SPDYA: variants seen among roughly 807,000 people sequenced by gnomAD.
SPDYA encodes speedy protein A.
A neutral mutation model predicts 36.7 loss-of-function variants in SPDYA; 11 were observed. The observed-to-expected ratio is 0.30, with a 90% CI of 0.19 to 0.50. The LOEUF is 0.50. Ranked by LOEUF, SPDYA falls within the 20% of genes least tolerant of loss-of-function variation. The probability of loss-of-function intolerance (pLI) is 0.98; values close to 1 mark genes in which losing one functional copy is unlikely to be tolerated. For synonymous variants in SPDYA, 115 were observed against 118.7 expected, an observed-to-expected ratio of 0.97 and a Z score of 0.20; for missense variants, 287 against 370.9, an observed-to-expected ratio of 0.77 and a Z score of 1.86.
chr2:28,835,547 C>T (rs148375056), intron 6 of SPDYA, among the ~76,000 whole-genome samples: 13 of 152,306 alleles, frequency 8.5e-5, no homozygotes, highest in African/African-American at 3.1e-4. Context: ...TGTTCTTATT[C>T]TATCTCCAGA....
chr2:28,826,949 CTT>C (rs1309143694), intron 5 of SPDYA, among the ~76,000 whole-genome samples: 11 of 113,806 alleles, frequency 9.7e-5, no homozygotes, highest in Admixed American at 1.9e-4. Flanking sequence ...TCTTTTCTTT[CTT>C]TTTTTTTTTT....
In SPDYA at chr2:28,829,240, C is replaced by A; in HGVS notation, c.473C>A (p.Pro158His). The A allele has an allele frequency of 6.2e-7, 1 of 1,613,910 alleles. No homozygotes were observed. The highest frequency in any genetic ancestry group is 8.5e-7 in the Non-Finnish European group (1 of 1,179,926). Residue 158 changes from proline (P) to histidine (H), a missense_variant, in exon 6 of 8, where the codon CCT becomes CAT. Transcript: ENST00000334056. ...GGGAAAAACTGGAGAAAATTGTTCC[C>A]TAATTTCTTAAAGTTAAGGGACCAG... ...ALGKNWRKLFPNFLKLRDQLW... is the reference protein window; with the variant it reads ...ALGKNWRKLFHNFLKLRDQLW...
chr2:28,815,961 G>A (rs1359812211), intron 2 of SPDYA, 36 bp from the exon 3 acceptor site: 2 of 1,346,360 alleles, frequency 1.5e-6, no homozygotes, highest in South Asian at 1.3e-5. Flanking sequence ...TGAAATGAAT[G>A]TGTGTGATGA....
chr2:28,830,831 T>A (rs2148093584), intron 6 of SPDYA, among the ~76,000 whole-genome samples: 1 of 152,324 alleles, frequency 6.6e-6, no homozygotes, highest in East Asian at 1.9e-4. Flanking sequence ...TTTTACCAAA[T>A]GTTCTGGTTT....
chr2:28,811,400 C>T lies in SPDYA; in HGVS notation c.-93+453C>T, dbSNP rs1255944852. Among the ~76,000 whole-genome samples the T allele has an allele frequency of 2.0e-5, 3 of 152,124 alleles. No homozygotes were observed. Among genetic ancestry groups the T allele is most frequent in the Non-Finnish European group, 2.9e-5 (2 of 68,020 alleles). On this transcript the variant is annotated intron_variant, in intron 1 of 7. Transcript: ENST00000334056. The surrounding 1 kb of genome is among the most constrained non-coding windows in gnomAD (Gnocchi z 4.2). ...GGGGGGTCTTTTTGATAAATCCTACCTCCTTATGTCCCATTAAACACCTCT... is the reference window on the plus strand; with the variant it reads ...GGGGGGTCTTTTTGATAAATCCTACTTCCTTATGTCCCATTAAACACCTCT...
At chr2:28,845,366 G>A (rs937206245) in intron 7 of SPDYA, among the ~76,000 whole-genome samples, 1 of 151,534 alleles carries the variant, frequency 6.6e-6, no homozygotes, top group African/African-American at 2.4e-5. Context: ...AAAGTGGTGG[G>A]GTTACAGATG....
At chr2:28,840,933 T>TG (rs1328476071) in intron 7 of SPDYA, 35 of 224,344 alleles carry the variant, frequency 1.6e-4, no homozygotes, top group Admixed American at 1.1e-3. Flanking sequence ...AAAACCAGTT[T>TG]TTTTTTTTTT....
In SPDYA at chr2:28,814,305, C is replaced by T. The variant is rs189194078; in HGVS notation, c.-92-308C>T. Among the ~76,000 whole-genome samples, 219 of 151,918 alleles carry T rather than the reference C, an allele frequency of 1.4e-3. 3 individuals carry two copies. Among genetic ancestry groups the T allele is most frequent in the Admixed American group, 0.01 (159 of 15,266 alleles). On this transcript the variant is annotated intron_variant, in intron 1 of 7. Coordinates refer to ENST00000334056, the MANE Select transcript of SPDYA (RefSeq NM_182756.4). ...TACTGTTGAAAAATTAGTATCAGAA[C>T]AGATTTGTATATAAGCATATTCATC...
intron 6 of SPDYA, among the ~76,000 whole-genome samples, chr2:28,837,313 C>G (rs1280954602): frequency 6.6e-6 from 1 of 152,034 alleles, no homozygotes; most frequent in African/African-American, 2.4e-5. Flanking sequence ...GGAGAGGGAA[C>G]TGTAAGTTTC....
In SPDYA at chr2:28,840,474, G is replaced by T; in HGVS notation, c.850+5G>T. 1.2e-6 allele frequency: 2 copies of T among 1,612,526 alleles called. No individual in the cohort carries two copies. Among genetic ancestry groups the T allele is most frequent in the Non-Finnish European group, 1.7e-6 (2 of 1,179,578 alleles). The stretch of plus-strand genomic sequence containing the variant: ...AAGCTTATACTGGTTCTGAAGGTAT[G>T]ATTTAGTAATATGCCAGAATTAGAT... On this transcript the variant is annotated splice_donor_5th_base_variant and intron_variant, in intron 7 of 7. Transcript: ENST00000334056.
intron 7 of SPDYA, among the ~76,000 whole-genome samples, chr2:28,845,950 G>A (rs1465254213): frequency 1.3e-5 from 2 of 152,224 alleles, no homozygotes; most frequent in East Asian, 3.8e-4. Context: ...ACCACTAACA[G>A]ATTAACTTAA....
At chr2:28,815,912 A>T in intron 2 of SPDYA, 85 bp from the exon 3 acceptor site, 1 of 807,196 alleles carries the variant, frequency 1.2e-6, no homozygotes, top group East Asian at 2.7e-5. Context: ...ATTTTATATG[A>T]CTGCATATGG....
rs1669006153 is a variant in SPDYA at position 28,850,069 on chromosome 2, A to C, written c.*128A>C. ...ACATCTTTTAGTTGTTATTTTCAAA[A>C]TTATATGTATAAGTTATATAAGTCA... is the stretch of plus-strand genomic sequence containing the variant. On this transcript the variant is annotated 3_prime_UTR_variant, in exon 8 of 8. Coordinates refer to ENST00000334056, the MANE Select transcript of SPDYA (RefSeq NM_182756.4). 8.6e-7 allele frequency: 1 copy of C among 1,164,260 alleles called. No homozygotes were observed. Among genetic ancestry groups the C allele is most frequent in the Non-Finnish European group, 1.2e-6 (1 of 809,078 alleles). The allele number at this position is 1,164,260 out of a possible 1,614,324, so 72.1% of individuals were successfully genotyped here.
Position 28,829,227 on chromosome 2 carries a change from A to G in SPDYA, c.460A>G (p.Arg154Gly), listed in dbSNP as rs113224231. 1.9e-6 allele frequency: 3 copies of G among 1,614,040 alleles called. No individual in the cohort carries two copies. Among genetic ancestry groups the G allele is most frequent in the Admixed American group, 3.3e-5 (2 of 60,010 alleles). ...IFPWALGKNW[R>G]KLFPNFLKLR... ...TCCATGGGCTTTAGGGAAAAACTGG[A>G]GAAAATTGTTCCCTAATTTCTTAAA... Residue 154 changes from arginine (R) to glycine (G), a missense_variant, in exon 6 of 8, where the codon AGA becomes GGA. Physicochemically the swap from Arg to Gly is moderately radical, Grantham distance 125. Transcript: ENST00000334056.
chr2:28,840,084 C>T (rs1668712468), intron 6 of SPDYA, 88 bp from the exon 7 acceptor site: 2 of 1,216,788 alleles, frequency 1.6e-6, no homozygotes, highest in African/African-American at 3.1e-5. Context: ...ACTTTAGAGA[C>T]AGTTGTTCTT....
Position 28,816,227 on chromosome 2 carries a change from G to T in SPDYA, c.213G>T (p.Met71Ile). 1 of 1,602,906 alleles carries T rather than the reference G, an allele frequency of 6.2e-7. No individual in the cohort carries two copies. The highest frequency in any genetic ancestry group is 1.1e-5 in the South Asian group (1 of 88,492). The change falls in exon 3 of 8, where the codon ATG becomes ATT. Residue 71 changes from methionine to isoleucine, a missense_variant. By Grantham distance (10) the Met-to-Ile change is conservative (BLOSUM62 1). Transcript: ENST00000334056. ...GPCLVIQRQD[M>I]TAFFKLFDDD... Reference sequence around the variant, plus strand: ...GTCTGGTTATACAGCGTCAGGATATGACTGCTTTCTTTAAATTATTTGGTA... The same window carrying T: ...GTCTGGTTATACAGCGTCAGGATATTACTGCTTTCTTTAAATTATTTGGTA...
chr2:28,848,907 G>C (rs746628410), intron 7 of SPDYA, among the ~76,000 whole-genome samples: 1 of 152,028 alleles, frequency 6.6e-6, no homozygotes, highest in Non-Finnish European at 1.5e-5. Context: ...TTGGCTGGGC[G>C]TGGTGGCATG....
rs1667859504 is a variant in SPDYA at position 28,811,969 on chromosome 2, T to A, written c.-93+1022T>A. Among the ~76,000 whole-genome samples the A allele has an allele frequency of 6.6e-6, 1 of 152,204 alleles. No individual in the cohort carries two copies. Among genetic ancestry groups the A allele is most frequent in the South Asian group, 2.1e-4 (1 of 4,826 alleles). On this transcript the variant is annotated intron_variant, in intron 1 of 7. Transcript: ENST00000334056. The surrounding 1 kb of genome is among the most constrained non-coding windows in gnomAD (Gnocchi z 4.2). ...TTGGCAAGGTGACGATAAGTAATAC[T>A]GGAGTGCTTACTATGTGTCAAGTGT...
At chr2:28,840,831 C>T (rs918212236) in intron 7 of SPDYA, 3 of 936,158 alleles carry the variant, frequency 3.2e-6, no homozygotes, top group Middle Eastern at 5.4e-4. Context: ...CTTCTGTATA[C>T]TTTTCTAACA....
Sources: allele counts gnomAD v4.1 joint callset (sites outside exome capture counted in the v4.1 genomes callset), GRCh38; gene constraint gnomAD v4.1.1; non-coding constraint Gnocchi (gnomAD v3.1); transcripts MANE v1.5; gene names NCBI Gene and HGNC (gene_info 2026-07-23, HGNC 2026-07-21).